STXBP5L: variants seen among roughly 807,000 people sequenced by gnomAD.
The protein encoded by STXBP5L is syntaxin binding protein 5L.
In STXBP5L, 65 loss-of-function variants were observed where a neutral mutation model predicts 144.5. The observed-to-expected ratio is 0.45, with a 90% CI of 0.37 to 0.55. The LOEUF (loss-of-function observed/expected upper bound fraction) is 0.55. Ranked by LOEUF, STXBP5L falls within the 20% of genes least tolerant of loss-of-function variation. The probability of loss-of-function intolerance (pLI) is 0.00; values close to 1 mark genes in which losing one functional copy is unlikely to be tolerated. For synonymous variants in STXBP5L, 505 were observed against 469.6 expected, an observed-to-expected ratio of 1.08 and a Z score of -0.97; for missense variants, 1,298 against 1,405.5, an observed-to-expected ratio of 0.92 and a Z score of 1.22.
At chr3:121,003,736 G>C (rs999656657) in intron 3 of STXBP5L, among the ~76,000 whole-genome samples, 3 of 152,264 alleles carry the variant, frequency 2.0e-5, no homozygotes, top group African/African-American at 4.8e-5. Flanking sequence ...TGTATAAGGT[G>C]TAAGGAAGGG....
Position 121,124,571 on chromosome 3 carries a change from A to G in STXBP5L, c.669+2867A>G, listed in dbSNP as rs569087457. Among the ~76,000 whole-genome samples the G allele has an allele frequency of 1.1e-3, 174 of 152,142 alleles. 1 individual carries two copies. Among genetic ancestry groups the G allele is most frequent in the Non-Finnish European group, 5.3e-4 (36 of 67,956 alleles). The stretch of plus-strand genomic sequence containing the variant: ...TTGTGACTTGTGACTTAATCTTCTT[A>G]AAGAAGTTTCATAACTGATTATCTT... On this transcript the variant is annotated intron_variant, in intron 7 of 26. Transcript: ENST00000471454.
chr3:121,007,446 T>A (rs552286152), intron 3 of STXBP5L, among the ~76,000 whole-genome samples: 78 of 152,164 alleles, frequency 5.1e-4, no homozygotes, highest in Non-Finnish European at 8.2e-4. Flanking sequence ...AGAGTTTGTG[T>A]GAAATTAGTG....
chr3:121,272,392 A>C (rs1293266313), intron 18 of STXBP5L, among the ~76,000 whole-genome samples: 1 of 152,106 alleles, frequency 6.6e-6, no homozygotes. Flanking sequence ...TCTTTGTCTT[A>C]TGACAGTTTT....
At chr3:121,000,018 C>T (rs1345756158) in intron 3 of STXBP5L, among the ~76,000 whole-genome samples, 3 of 152,106 alleles carry the variant, frequency 2.0e-5, no homozygotes, top group Non-Finnish European at 4.4e-5. Flanking sequence ...GTGACCTCCC[C>T]TTCTCTCTAG....
intron 10 of STXBP5L, among the ~76,000 whole-genome samples, chr3:121,217,214 G>A (rs891905657): frequency 2.2e-4 from 34 of 152,174 alleles, no homozygotes; most frequent in African/African-American, 7.7e-4. Flanking sequence ...TGGCATTCCA[G>A]GTGCCAGCGA....
intron 22 of STXBP5L, 40 bp downstream of exon 22, chr3:121,381,572 T>A (rs1428902025): frequency 1.3e-6 from 2 of 1,572,680 alleles, no homozygotes; most frequent in Non-Finnish European, 1.7e-6. Flanking sequence ...CTGTTACTTT[T>A]TCAAATTTAG....
chr3:121,399,408 C>A (rs1423056239), intron 22 of STXBP5L, among the ~76,000 whole-genome samples: 1 of 152,084 alleles, frequency 6.6e-6, no homozygotes, highest in Non-Finnish European at 1.5e-5. Flanking sequence ...AACTCAGTGG[C>A]ACTAGAGGAA....
intron 9 of STXBP5L, among the ~76,000 whole-genome samples, chr3:121,174,331 C>G (rs957991566): frequency 6.6e-6 from 1 of 151,848 alleles, no homozygotes; most frequent in Admixed American, 6.6e-5. Flanking sequence ...TATATATTTT[C>G]TACATATTCA....
At chr3:121,371,588 C>T (rs2046029769) in intron 20 of STXBP5L, among the ~76,000 whole-genome samples, 2 of 152,326 alleles carry the variant, frequency 1.3e-5, no homozygotes, top group South Asian at 4.1e-4. Context: ...TTTGAGCAGG[C>T]ATTCACAGCA....
chr3:121,122,401 G>A (rs1055461467), intron 7 of STXBP5L, among the ~76,000 whole-genome samples: 29 of 151,102 alleles, frequency 1.9e-4, no homozygotes, highest in African/African-American at 5.3e-4. Flanking sequence ...ATCAGGTGCC[G>A]TCAGAGTTTA....
Position 121,407,243 on chromosome 3 carries a change from G to C in STXBP5L, c.2588G>C (p.Gly863Ala). Residue 863 changes from glycine to alanine, a missense_variant and splice_region_variant, in exon 23 of 27, where the codon GGT becomes GCT. Physicochemically the swap from Gly to Ala is moderately conservative, Grantham distance 60. Transcript: ENST00000471454. Reference protein sequence around the residue: ...FTEPVMVLPSGTFLSLKGAVL... With the variant: ...FTEPVMVLPSATFLSLKGAVL... ...CAGTGATGTCCAATTGTTTTTATAG[G>C]TACATTCCTCTCATTGAAAGGAGCT... The C allele has an allele frequency of 6.4e-7, 1 of 1,552,646 alleles. No homozygotes were observed. Among genetic ancestry groups the C allele is most frequent in the Non-Finnish European group, 8.7e-7 (1 of 1,152,882 alleles).
chr3:121,372,671 C>G (rs2046068102), intron 20 of STXBP5L, among the ~76,000 whole-genome samples: 1 of 151,996 alleles, frequency 6.6e-6, no homozygotes, highest in Admixed American at 6.6e-5. Context: ...CTGTGTCTTC[C>G]CTCCATCTGC....
chr3:121,110,007 CT>C (rs1310133185), intron 5 of STXBP5L, among the ~76,000 whole-genome samples: 1 of 152,044 alleles, frequency 6.6e-6, no homozygotes, highest in African/African-American at 2.4e-5. Flanking sequence ...TAAAGTCTGT[CT>C]TGTCAGAAAC....
intron 26 of STXBP5L, 119 bp from the exon 27 acceptor site, chr3:121,418,937 C>A: frequency 9.8e-7 from 1 of 1,020,240 alleles, no homozygotes; most frequent in Admixed American, 2.6e-5. Context: ...ATAAAAGAAG[C>A]CACTCAGTTT....
Position 121,422,387 on chromosome 3 carries a change from C to G in STXBP5L, c.*3290C>G, listed in dbSNP as rs2047370478. 1 of 152,128 alleles carries G rather than the reference C, an allele frequency of 6.6e-6. No homozygotes were observed. The highest frequency in any genetic ancestry group is 2.1e-4 in the South Asian group (1 of 4,828). The allele number at this position is 152,128 out of a possible 1,614,324, so 9.4% of individuals were successfully genotyped here. A position where few individuals can be genotyped will look rare whatever the true frequency, so the allele number is the denominator to read the frequency against. On this transcript the variant is annotated 3_prime_UTR_variant, in exon 27 of 27. Coordinates refer to ENST00000471454, the MANE Select transcript of STXBP5L (RefSeq NM_001308330.2). ...AGTTGACCTTGTCTCCCTATGATTT[C>G]CTTGGAAGATAAGGCCTTTTTAGTG... is the stretch of plus-strand genomic sequence containing the variant.
At chr3:121,089,743 T>C (rs1268602140) in intron 5 of STXBP5L, among the ~76,000 whole-genome samples, 1 of 152,022 alleles carries the variant, frequency 6.6e-6, no homozygotes, top group Non-Finnish European at 1.5e-5. Flanking sequence ...GTCCCATAGG[T>C]TTCTGAAGCT....
At chr3:121,176,849 A>C (rs1397351692) in intron 9 of STXBP5L, among the ~76,000 whole-genome samples, 1 of 152,000 alleles carries the variant, frequency 6.6e-6, no homozygotes, top group Non-Finnish European at 1.5e-5. Context: ...ATAGAAGATC[A>C]GCAAAGAAAA....
intron 23 of STXBP5L, among the ~76,000 whole-genome samples, chr3:121,409,946 A>G (rs1385040545): frequency 6.6e-6 from 1 of 151,512 alleles, no homozygotes; most frequent in Non-Finnish European, 1.5e-5. Context: ...CTAGGTTTTG[A>G]GAGTGTTTTT....
chr3:121,267,839 A>G (rs1227551539), intron 18 of STXBP5L, among the ~76,000 whole-genome samples: 2 of 152,226 alleles, frequency 1.3e-5, no homozygotes, highest in Non-Finnish European at 1.5e-5. Flanking sequence ...GAGAAATGCA[A>G]ATTAAAATCA....
Sources: gnomAD v4.1 joint callset for allele counts (sites outside exome capture counted in the v4.1 genomes callset) on GRCh38, gnomAD v4.1.1 for gene constraint, MANE v1.5 for transcripts, NCBI Gene and HGNC (gene_info 2026-07-23, HGNC 2026-07-21) for gene names.